Variants in BIRC6 observed in about 807,000 individuals in gnomAD.
BIRC6 encodes baculoviral IAP repeat containing 6.
Under a neutral mutation model 503.3 loss-of-function variants are expected in BIRC6, and 98 were observed. That is an observed-to-expected ratio of 0.19 (90% CI 0.17 to 0.23). The LOEUF (loss-of-function observed/expected upper bound fraction) is 0.23. Ranked by LOEUF, BIRC6 falls within the 10% of genes least tolerant of loss-of-function variation. BIRC6 has a pLI of 1.00. For synonymous variants in BIRC6, 2,240 were observed against 2,078.7 expected (o/e 1.08, Z -2.11); for missense variants, 5,360 against 5,806.0 (o/e 0.92, Z 2.50).
intron 6 of BIRC6, 91 bp downstream of exon 6, chr2:32,395,684 T>G: frequency 9.3e-7 from 1 of 1,074,460 alleles, no homozygotes; most frequent in South Asian, 1.3e-5. Flanking sequence ...ATATAATTTT[T>G]TGCCTTTTTG....
At chr2:32,582,719 G>A (rs1466211019) in intron 66 of BIRC6, among the ~76,000 whole-genome samples, 1 of 152,114 alleles carries the variant, frequency 6.6e-6, no homozygotes, top group African/African-American at 2.4e-5. Context: ...TCCCACTAGT[G>A]CACTCTAGCC....
At chr2:32,601,063 C>T (rs1559137283) in intron 70 of BIRC6, among the ~76,000 whole-genome samples, 3 of 152,200 alleles carry the variant, frequency 2.0e-5, no homozygotes. Context: ...TTTTGGGCTG[C>T]ATTCAAAGCC....
chr2:32,468,872 A>G lies in BIRC6; in HGVS notation c.6127+89A>G, dbSNP rs1212087628. 9.5e-6 allele frequency: 10 copies of G among 1,049,164 alleles called. No homozygotes were observed. The East Asian group carries it at 1.0e-4, about 11-fold the overall frequency. The allele number at this position is 1,049,164 out of a possible 1,614,324, so 65.0% of individuals were successfully genotyped here. A position where few individuals can be genotyped will look rare whatever the true frequency, so the allele number is the denominator to read the frequency against. On this transcript the variant is annotated intron_variant, in intron 29 of 73. Coordinates refer to ENST00000421745, the MANE Select transcript of BIRC6 (RefSeq NM_016252.4). Reference sequence around the variant, plus strand: ...TTTAGGATCTGTGTCAATATTTTCTATTGTAAATTTTGGTATTTTAAAAAA... The same window carrying G: ...TTTAGGATCTGTGTCAATATTTTCTGTTGTAAATTTTGGTATTTTAAAAAA...
chr2:32,385,821 T>C (rs547194910), intron 3 of BIRC6, among the ~76,000 whole-genome samples: 1 of 152,324 alleles, frequency 6.6e-6, no homozygotes, highest in East Asian at 1.9e-4. Context: ...ATGCTAAATA[T>C]TGGCTCCCAA....
In BIRC6 at chr2:32,575,358, C is replaced by T. The variant is rs1043982135; in HGVS notation, c.13347C>T (p.Asn4449=). The change falls in exon 66 of 74, where the codon AAC becomes AAT. Residue 4449 remains asparagine, a synonymous_variant. Coordinates refer to ENST00000421745, the MANE Select transcript of BIRC6 (RefSeq NM_016252.4). ...KMKTCVDTYT[N]RLRSKRENVK... ...AGACCTGTGTTGATACCTATACCAA[C>T]CGTTTAAGGTACTATATACAATGTT... 6.2e-7 allele frequency: 1 copy of T among 1,613,270 alleles called. No homozygotes were observed. The highest frequency in any genetic ancestry group is 1.7e-4 in the Middle Eastern group (1 of 6,060).
At chr2:32,525,742 G>A in intron 59 of BIRC6, 114 bp downstream of exon 59, 1 of 996,338 alleles carries the variant, frequency 1.0e-6, no homozygotes, top group Non-Finnish European at 1.5e-6. Context: ...TGAGATCAGT[G>A]AGTTAGTGAG....
intron 23 of BIRC6, among the ~76,000 whole-genome samples, chr2:32,458,683 CTTTTTTTTTTTTTT>C (rs1166608470): frequency 2.2e-5 from 2 of 89,474 alleles, no homozygotes; most frequent in African/African-American, 1.0e-4. Flanking sequence ...ACTCTATTGC[CTTTTTTTTTTTTTT>C]TTTTTTTTTT....
At chr2:32,409,300 C>T (rs866700454) in intron 9 of BIRC6, among the ~76,000 whole-genome samples, 28 of 152,114 alleles carry the variant, frequency 1.8e-4, no homozygotes, top group Middle Eastern at 6.8e-3. Context: ...GCTGGGATTA[C>T]AGGCGCCCAC....
Position 32,412,248 on chromosome 2 carries a change from G to A in BIRC6, c.1478-2521G>A, listed in dbSNP as rs139017853. 9.3e-4 allele frequency among the ~76,000 whole-genome samples: 141 copies of A among 152,168 alleles called. 2 individuals carry two copies. The highest frequency in any genetic ancestry group is 3.1e-3 in the African/African-American group (130 of 41,536). ...GCATGGTGGCTCATGTCTATAATCC[G>A]AGCACTTTGGGAGGCCGAGGTGGGC... On this transcript the variant is annotated intron_variant, in intron 9 of 73. Transcript: ENST00000421745.
chr2:32,390,075 G>C (rs1369563601), intron 4 of BIRC6, among the ~76,000 whole-genome samples: 1 of 152,142 alleles, frequency 6.6e-6, no homozygotes. Flanking sequence ...GGTCAGGCTG[G>C]TGTCGAACTC....
chr2:32,570,556 T>C (rs1339748747), intron 65 of BIRC6, among the ~76,000 whole-genome samples: 1 of 152,100 alleles, frequency 6.6e-6, no homozygotes, highest in East Asian at 1.9e-4. Flanking sequence ...TGGAGTGCAA[T>C]GGTATTATCC....
At chr2:32,495,947 C>G (rs1353614803) in intron 45 of BIRC6, among the ~76,000 whole-genome samples, 1 of 151,980 alleles carries the variant, frequency 6.6e-6, no homozygotes, top group East Asian at 1.9e-4. Flanking sequence ...ACGCCATTCT[C>G]CCGCCTCAGC....
rs138739713 is a variant in BIRC6 at position 32,390,249 on chromosome 2, C to T, written c.839+1306C>T. On this transcript the variant is annotated intron_variant, in intron 4 of 73. Transcript: ENST00000421745. The stretch of plus-strand genomic sequence containing the variant: ...TCAGTGGCATGATCTTGGCTCACTG[C>T]GAGCTCCGCCTCCCATGTTCATGCC... Among the ~76,000 whole-genome samples the T allele has an allele frequency of 9.8e-3, 1,495 of 152,208 alleles. 25 individuals carry two copies. Among genetic ancestry groups the T allele is most frequent in the African/African-American group, 0.034 (1,393 of 41,524 alleles).
At chr2:32,374,705 C>T (rs1024280514) in intron 1 of BIRC6, among the ~76,000 whole-genome samples, 4 of 152,088 alleles carry the variant, frequency 2.6e-5, no homozygotes, top group African/African-American at 9.7e-5. Context: ...ATCTCCTGAC[C>T]TTGTGATCCA....
At chr2:32,554,651 A>C (rs575540588) in intron 65 of BIRC6, among the ~76,000 whole-genome samples, 2 of 152,250 alleles carry the variant, frequency 1.3e-5, no homozygotes, top group Admixed American at 1.3e-4. Context: ...TTGGTTTGAC[A>C]GTTTTATAAC....
intron 61 of BIRC6, among the ~76,000 whole-genome samples, chr2:32,536,015 G>C (rs1360380821): frequency 2.6e-5 from 4 of 152,144 alleles, no homozygotes; most frequent in Non-Finnish European, 4.4e-5. Context: ...GTGTGAGATG[G>C]TATCTCATTG....
At chr2:32,591,559 G>C (rs1423658938) in intron 66 of BIRC6, among the ~76,000 whole-genome samples, 1 of 152,114 alleles carries the variant, frequency 6.6e-6, no homozygotes, top group Non-Finnish European at 1.5e-5. Context: ...TGCAGTTCAT[G>C]CTCCATGCTA....
chr2:32,502,888 A>C lies in BIRC6; in HGVS notation c.9301A>C (p.Met3101Leu), dbSNP rs774832851. The C allele has an allele frequency of 1.3e-6, 2 of 1,599,678 alleles. 1 individual carries two copies. The highest frequency in any genetic ancestry group is 1.7e-6 in the Non-Finnish European group (2 of 1,170,848). The change falls in exon 48 of 74, where the codon ATG becomes CTG. Residue 3101 changes from methionine (M) to leucine (L), a missense_variant. By Grantham distance (15) the Met-to-Leu change is conservative (BLOSUM62 2). This residue lies in a region of BIRC6 where 267 missense variants were observed against 287.6 expected (regional missense o/e 0.93). Coordinates refer to ENST00000421745, the MANE Select transcript of BIRC6 (RefSeq NM_016252.4). ...TSDALKAFHDMGGVQLICNNM... is the reference protein window; with the variant it reads ...TSDALKAFHDLGGVQLICNNM... ...TGATGCCTTGAAAGCATTTCATGAT[A>C]TGGGTAAGATAATATTTCAATAACT...
In BIRC6 at chr2:32,470,316, C is replaced by A; in HGVS notation, c.6481+15C>A. 6.5e-7 allele frequency: 1 copy of A among 1,536,758 alleles called. No individual in the cohort carries two copies. The highest frequency in any genetic ancestry group is 8.7e-7 in the Non-Finnish European group (1 of 1,144,070). On this transcript the variant is annotated intron_variant, in intron 31 of 73. Coordinates refer to ENST00000421745, the MANE Select transcript of BIRC6 (RefSeq NM_016252.4). ...GAGGACAGAAGGTATTAAGAGAAAGCAGTGTTCTTTAGTAAAAACAATATT... is the reference window on the plus strand; with the variant it reads ...GAGGACAGAAGGTATTAAGAGAAAGAAGTGTTCTTTAGTAAAAACAATATT...
Sources: allele counts gnomAD v4.1 joint callset (sites outside exome capture counted in the v4.1 genomes callset), GRCh38; gene constraint gnomAD v4.1.1; regional missense constraint gnomAD v4.1.1; transcripts MANE v1.5; gene names NCBI Gene and HGNC (gene_info 2026-07-23, HGNC 2026-07-21).